Variants in PUS10 observed in about 807,000 individuals in gnomAD.
PUS10 encodes the protein tRNA pseudouridine synthase Pus10.
In PUS10, 59 loss-of-function variants were observed where a neutral mutation model predicts 75.0. The ratio of observed to expected loss-of-function variants is 0.79; its 90% CI spans 0.64 to 0.98. PUS10 has a LOEUF of 0.98. Ranked by LOEUF, PUS10 falls within the 50% of genes least tolerant of loss-of-function variation. The pLI, the probability that PUS10 is intolerant of heterozygous loss-of-function variation, is 0.00. For missense variants in PUS10, 650 were observed against 614.4 expected (o/e 1.06, Z -0.61); for synonymous variants, 219 against 211.6 (o/e 1.03, Z -0.30).
intron 1 of PUS10, among the ~76,000 whole-genome samples, chr2:61,014,181 C>G (rs1401869624): frequency 6.6e-6 from 1 of 152,120 alleles, no homozygotes; most frequent in Admixed American, 6.6e-5. Flanking sequence ...TGAGACCAGC[C>G]TGGCCAACAC....
chr2:61,010,639 A>G (rs939153783), intron 2 of PUS10: 2 of 897,636 alleles, frequency 2.2e-6, no homozygotes, highest in Non-Finnish European at 3.3e-6. Context: ...TCTGGTTTTC[A>G]AAGTGTTTCC....
At chr2:61,012,887 T>TATATATATATATATATATATAC (rs67357917) in intron 1 of PUS10, among the ~76,000 whole-genome samples, 18 of 88,898 alleles carry the variant, frequency 2.0e-4, no homozygotes, top group East Asian at 9.4e-4. Context: ...TATATATATA[T>TATATATATATATATATATATAC]ACACACACAC....
At chr2:60,955,476 C>G (rs1435633142) in intron 11 of PUS10, among the ~76,000 whole-genome samples, 1 of 152,008 alleles carries the variant, frequency 6.6e-6, no homozygotes, top group African/African-American at 2.4e-5. Flanking sequence ...ATCACAAGTG[C>G]ACACCAGCAC....
chr2:60,991,985 C>T (rs1011122206), intron 4 of PUS10, among the ~76,000 whole-genome samples: 1 of 151,268 alleles, frequency 6.6e-6, no homozygotes. Context: ...AAACAAGTTG[C>T]AGATTGAATG....
intron 2 of PUS10, among the ~76,000 whole-genome samples, chr2:61,011,119 T>C (rs1348862977): frequency 6.6e-6 from 1 of 152,220 alleles, no homozygotes; most frequent in Non-Finnish European, 1.5e-5. Context: ...TTATAATGTA[T>C]ATATTTACAT....
At chr2:60,995,322 C>A (rs984714973) in intron 4 of PUS10, among the ~76,000 whole-genome samples, 1 of 152,144 alleles carries the variant, frequency 6.6e-6, no homozygotes, top group Admixed American at 6.5e-5. Flanking sequence ...GGGGTTTTAT[C>A]TTGCTCCTCC....
chr2:61,007,210 C>T (rs1342597590), intron 3 of PUS10, among the ~76,000 whole-genome samples: 1 of 146,254 alleles, frequency 6.8e-6, no homozygotes, highest in Non-Finnish European at 1.5e-5. Context: ...GAAGAGTAGG[C>T]TTTTGTTTTT....
chr2:60,943,445 C>T (rs1459386802), intron 17 of PUS10, among the ~76,000 whole-genome samples: 1 of 147,352 alleles, frequency 6.8e-6, no homozygotes, highest in Admixed American at 6.9e-5. Context: ...CTATCAAAGG[C>T]TAGGGGATCT....
intron 2 of PUS10, chr2:61,010,679 G>A: frequency 8.1e-7 from 1 of 1,235,538 alleles, no homozygotes; most frequent in South Asian, 1.4e-5. Flanking sequence ...GTCCCTTAAA[G>A]TCCTGTGAGG....
intron 4 of PUS10, 74 bp from the exon 5 acceptor site, chr2:60,971,631 T>G: frequency 7.4e-7 from 1 of 1,356,818 alleles, no homozygotes; most frequent in Non-Finnish European, 1.1e-6. Flanking sequence ...CTCAATATCA[T>G]TACTGAAGTG....
intron 11 of PUS10, among the ~76,000 whole-genome samples, chr2:60,955,477 A>C (rs1177854455): frequency 6.6e-6 from 1 of 152,014 alleles, no homozygotes; most frequent in Non-Finnish European, 1.5e-5. Context: ...TCACAAGTGC[A>C]CACCAGCACA....
At chr2:60,954,042 T>C (rs770682654) in intron 13 of PUS10, 40 bp downstream of exon 13, 2 of 1,610,910 alleles carry the variant, frequency 1.2e-6, no homozygotes, top group Non-Finnish European at 1.7e-6. Flanking sequence ...GTTACAGAAT[T>C]GCAGAAACAT....
chr2:60,992,343 T>TA (rs1171073686), intron 4 of PUS10, among the ~76,000 whole-genome samples: 14 of 151,374 alleles, frequency 9.2e-5, no homozygotes, highest in African/African-American at 2.9e-4. Context: ...TGTCTACATT[T>TA]AAAAAAAAAT....
intron 4 of PUS10, among the ~76,000 whole-genome samples, chr2:60,982,348 C>T (rs1429447034): frequency 6.6e-6 from 1 of 152,050 alleles, no homozygotes; most frequent in African/African-American, 2.4e-5. Context: ...CTGAAACTTC[C>T]ACCTCCTGGG....
chr2:60,963,061 T>C (rs1444179300), intron 8 of PUS10, among the ~76,000 whole-genome samples, 171 bp from the exon 9 acceptor site: 1 of 152,208 alleles, frequency 6.6e-6, no homozygotes, highest in African/African-American at 2.4e-5. Context: ...AACTTAAGCA[T>C]TCATGTCAGT....
rs1409479652 is a variant in PUS10 at position 61,018,137 on chromosome 2, A to C, written c.-145T>G. On this transcript the variant is annotated 5_prime_UTR_variant, in exon 1 of 18. Coordinates refer to ENST00000316752, the MANE Select transcript of PUS10 (RefSeq NM_144709.4). ...AAGAAAGGGGGGCGGCTTCCTACCT[A>C]CCGCTTCTGTTTTCACTTTGACAGA... The C allele has an allele frequency of 3.9e-6, 6 of 1,549,704 alleles. No homozygotes were observed. Among genetic ancestry groups the C allele is most frequent in the Non-Finnish European group, 5.2e-6 (6 of 1,146,450 alleles).
intron 6 of PUS10, chr2:60,967,002 T>C (rs1558906380): frequency 6.5e-6 from 1 of 152,770 alleles, no homozygotes; most frequent in African/African-American, 2.4e-5. Flanking sequence ...AAAAGGGAAA[T>C]GTTCTGTTTT....
At chr2:60,959,072 C>T (rs1675851259) in intron 11 of PUS10, among the ~76,000 whole-genome samples, 1 of 152,172 alleles carries the variant, frequency 6.6e-6, no homozygotes, top group South Asian at 2.1e-4. Flanking sequence ...CCTGACTCAT[C>T]CCATGAACCT....
intron 4 of PUS10, among the ~76,000 whole-genome samples, chr2:60,993,677 G>A (rs1467609092): frequency 6.6e-6 from 1 of 152,024 alleles, no homozygotes; most frequent in African/African-American, 2.4e-5. Context: ...ATATCAGTGA[G>A]GAAAAATATA....
Sources: allele counts gnomAD v4.1 joint callset (sites outside exome capture counted in the v4.1 genomes callset), GRCh38; gene constraint gnomAD v4.1.1; transcripts MANE v1.5; gene names NCBI Gene and HGNC (gene_info 2026-07-23, HGNC 2026-07-21).